LPP: variants seen among roughly 807,000 people sequenced by gnomAD.
The protein encoded by LPP is lipoma-preferred partner.
A neutral mutation model predicts 60.4 loss-of-function variants in LPP; 38 were observed. The observed-to-expected ratio is 0.63, with a 90% CI of 0.49 to 0.83. The LOEUF (loss-of-function observed/expected upper bound fraction) is 0.83. LPP is among the 40% of genes least tolerant of loss of function. The probability of loss-of-function intolerance (pLI) is 0.00; values close to 1 mark genes in which losing one functional copy is unlikely to be tolerated. For synonymous variants in LPP, 328 were observed against 290.8 expected, an observed-to-expected ratio of 1.13 and a Z score of -1.30; for missense variants, 902 against 783.6, an observed-to-expected ratio of 1.15 and a Z score of -1.80.
chr3:188,562,638 G>T (rs147475585), intron 6 of LPP, among the ~76,000 whole-genome samples: 6 of 151,976 alleles, frequency 3.9e-5, no homozygotes, highest in Middle Eastern at 6.8e-3. Context: ...AATGTAACGT[G>T]CGGCACTTCT....
Position 188,855,698 on chromosome 3 carries a change from G to T in LPP, c.1411-10502G>T, listed in dbSNP as rs560350847. ...AGGGTGATGCTTTGAACAAGACAAA[G>T]AACCATGCCCTATTGAAGCTTTTGT... On this transcript the variant is annotated intron_variant, in intron 9 of 11. Transcript: ENST00000617246. Among the ~76,000 whole-genome samples, 3 of 152,280 alleles carry T rather than the reference G, an allele frequency of 2.0e-5. No individual in the cohort carries two copies. The South Asian group carries it at 6.2e-4, about 32-fold the overall frequency.
intron 7 of LPP, among the ~76,000 whole-genome samples, chr3:188,638,721 A>G (rs2148712346): frequency 6.9e-6 from 1 of 144,334 alleles, no homozygotes; most frequent in African/African-American, 2.6e-5. Context: ...TACACCAACA[A>G]CAGACAAACA....
intron 3 of LPP, among the ~76,000 whole-genome samples, chr3:188,376,616 G>A (rs892629028): frequency 1.3e-5 from 2 of 152,114 alleles, no homozygotes; most frequent in African/African-American, 4.8e-5. Context: ...CGTGAGATGG[G>A]TTTCCTGAAT....
intron 4 of LPP, among the ~76,000 whole-genome samples, chr3:188,423,181 T>C (rs1481746006): frequency 3.9e-5 from 6 of 152,176 alleles, no homozygotes. Context: ...CTCCCACTTA[T>C]GAGTGAGAAC....
At chr3:188,798,512 T>C (rs530780970) in intron 9 of LPP, among the ~76,000 whole-genome samples, 1 of 152,224 alleles carries the variant, frequency 6.6e-6, no homozygotes, top group South Asian at 2.1e-4. Context: ...CTCAACATCC[T>C]AAGTTCATTT....
intron 10 of LPP, among the ~76,000 whole-genome samples, chr3:188,868,739 G>T (rs1203799128): frequency 6.6e-6 from 1 of 152,182 alleles, no homozygotes; most frequent in Non-Finnish European, 1.5e-5. Context: ...CAGTTTTTGG[G>T]GCCTTGTTTG....
intron 1 of LPP, among the ~76,000 whole-genome samples, chr3:188,183,293 T>C (rs1009368897): frequency 6.6e-6 from 1 of 152,176 alleles, no homozygotes; most frequent in Non-Finnish European, 1.5e-5. Flanking sequence ...GGGGCTATGA[T>C]TGAAGAGGCT....
chr3:188,378,179 C>A (rs1429010201), intron 3 of LPP, among the ~76,000 whole-genome samples: 20 of 152,322 alleles, frequency 1.3e-4, no homozygotes. Flanking sequence ...AGGCAGTCTG[C>A]CCATTCTCAG....
In LPP at chr3:188,887,646, G is replaced by C. The variant is rs1003622010; in HGVS notation, c.*13167G>C. 4 of 212,432 alleles carry C rather than the reference G, an allele frequency of 1.9e-5. No individual in the cohort carries two copies. Among genetic ancestry groups the C allele is most frequent in the Non-Finnish European group, 3.8e-5 (4 of 104,978 alleles). 13.2% of individuals were successfully genotyped at this position (212,432 alleles called of 1,614,324 possible). On this transcript the variant is annotated 3_prime_UTR_variant, in exon 12 of 12. Coordinates refer to ENST00000617246, the MANE Select transcript of LPP (RefSeq NM_001375462.1). ...GTGCCAAAAATAGTTAAAGTGCCTT[G>C]GTCCTCCCTCTGTAGGCAGCAAATT... is the stretch of plus-strand genomic sequence containing the variant.
At chr3:188,512,970 C>T (rs1181163917) in intron 5 of LPP, among the ~76,000 whole-genome samples, 1 of 152,174 alleles carries the variant, frequency 6.6e-6, no homozygotes, top group Non-Finnish European at 1.5e-5. Flanking sequence ...TAAATCCACA[C>T]AATTGTTGCA....
chr3:188,241,213 A>C (rs1217879595), intron 2 of LPP, among the ~76,000 whole-genome samples: 1 of 152,292 alleles, frequency 6.6e-6, no homozygotes, highest in East Asian at 1.9e-4. Flanking sequence ...TATAGCATGA[A>C]TCCAACCTGC....
intron 3 of LPP, among the ~76,000 whole-genome samples, chr3:188,403,817 TGGTCCCTACCCTTTTAA>T (rs1782790950): frequency 6.6e-6 from 1 of 152,220 alleles, no homozygotes; most frequent in South Asian, 2.1e-4. Flanking sequence ...GTGTAAAATA[TGGTCCCTACCCTTTTAA>T]GGAACTCAAG....
At chr3:188,832,905 C>T (rs1479981515) in intron 9 of LPP, among the ~76,000 whole-genome samples, 1 of 152,162 alleles carries the variant, frequency 6.6e-6, no homozygotes, top group Non-Finnish European at 1.5e-5. Flanking sequence ...TGCAAGTCTG[C>T]CTCCTTCATG....
chr3:188,389,005 C>A (rs6773568), intron 3 of LPP, among the ~76,000 whole-genome samples: 5,240 of 152,200 alleles, frequency 0.034, 304 homozygotes, highest in African/African-American at 0.12. Flanking sequence ...CCTGACAAAT[C>A]GTGTCCCATG....
intron 9 of LPP, among the ~76,000 whole-genome samples, chr3:188,835,111 A>G (rs1758077605): frequency 6.6e-6 from 1 of 152,094 alleles, no homozygotes; most frequent in South Asian, 2.1e-4. Flanking sequence ...CAAGAAGGCA[A>G]ATTTAATCCA....
intron 7 of LPP, among the ~76,000 whole-genome samples, chr3:188,626,497 CT>C (rs1285169896): frequency 6.6e-6 from 1 of 152,118 alleles, no homozygotes; most frequent in African/African-American, 2.4e-5. Context: ...GTGACATAAA[CT>C]ACAGATTTTT....
chr3:188,335,460 T>A (rs868464386), intron 2 of LPP, among the ~76,000 whole-genome samples: 3 of 152,234 alleles, frequency 2.0e-5, no homozygotes, highest in Non-Finnish European at 2.9e-5. Context: ...GATTTTTGCA[T>A]CTATGTTCAT....
chr3:188,646,899 T>C (rs1265138271), intron 7 of LPP, among the ~76,000 whole-genome samples: 1 of 152,158 alleles, frequency 6.6e-6, no homozygotes, highest in Non-Finnish European at 1.5e-5. Context: ...TCAATACACA[T>C]CTCATTGCCA....
At chr3:188,211,255 G>C (rs551712003) in intron 1 of LPP, among the ~76,000 whole-genome samples, 6 of 152,202 alleles carry the variant, frequency 3.9e-5, no homozygotes, top group African/African-American at 1.4e-4. Flanking sequence ...TTGGGGTTTG[G>C]GGCTTGGGTC....
Sources: allele counts gnomAD v4.1 joint callset (sites outside exome capture counted in the v4.1 genomes callset), GRCh38; gene constraint gnomAD v4.1.1; transcripts MANE v1.5; gene names NCBI Gene and HGNC (gene_info 2026-07-23, HGNC 2026-07-21).